ACSM2A: variants seen among roughly 807,000 people sequenced by gnomAD.
ACSM2A encodes acyl-CoA synthetase medium chain family member 2A, also known as acyl-coenzyme A synthetase ACSM2A, mitochondrial.
Under a neutral mutation model 76.6 loss-of-function variants are expected in ACSM2A, and 72 were observed. The observed-to-expected ratio is 0.94, with a 90% CI of 0.78 to 1.14. The LOEUF is 1.14. Ranked by LOEUF, ACSM2A falls within the 50% of genes most tolerant of loss-of-function variation. The pLI is 0.00. For synonymous variants in ACSM2A, 249 were observed against 255.9 expected, an observed-to-expected ratio of 0.97 and a Z score of 0.26; for missense variants, 684 against 708.5, an observed-to-expected ratio of 0.97 and a Z score of 0.39.
chr16:20,457,169 T>TCAA (rs922597386), intron 1 of ACSM2A, among the ~76,000 whole-genome samples: 1 of 151,212 alleles, frequency 6.6e-6, no homozygotes, highest in African/African-American at 2.4e-5. Flanking sequence ...ACAAAAATTA[T>TCAA]CAACAACAAC....
At chr16:20,471,453 C>G (rs2013395125) in intron 5 of ACSM2A, 83 bp from the exon 6 acceptor site, 1 of 1,528,590 alleles carries the variant, frequency 6.5e-7, no homozygotes, top group Non-Finnish European at 8.9e-7. Context: ...ACACACCTCC[C>G]TTTCCTCCCC....
At chr16:20,457,726 G>T (rs2012279090) in intron 1 of ACSM2A, among the ~76,000 whole-genome samples, 1 of 152,024 alleles carries the variant, frequency 6.6e-6, no homozygotes, top group Admixed American at 6.6e-5. Flanking sequence ...ATGGGGAAAA[G>T]TTGAAAGCAT....
intron 13 of ACSM2A, among the ~76,000 whole-genome samples, chr16:20,485,990 A>T (rs1185878077): frequency 6.6e-6 from 1 of 152,180 alleles, no homozygotes; most frequent in Non-Finnish European, 1.5e-5. Context: ...AATTGGAGAG[A>T]TTTTATAGTT....
chr16:20,453,127 C>T (rs1175896915), intron 1 of ACSM2A: 1 of 151,958 alleles, frequency 6.6e-6, no homozygotes, highest in Non-Finnish European at 1.5e-5. Context: ...GAAAAATAGA[C>T]ATAAGCTCTT....
intron 6 of ACSM2A, among the ~76,000 whole-genome samples, chr16:20,472,391 G>A (rs961873599): frequency 1.3e-5 from 2 of 152,046 alleles, no homozygotes; most frequent in Non-Finnish European, 2.9e-5. Context: ...AGACAGTGCT[G>A]GTATATCTTC....
chr16:20,460,596 T>C (rs924149412), intron 2 of ACSM2A, among the ~76,000 whole-genome samples: 14 of 151,570 alleles, frequency 9.2e-5, no homozygotes, highest in African/African-American at 3.2e-4. Context: ...ATGAGGACTT[T>C]TGGTCTGGGG....
chr16:20,458,931 T>TATATAC (rs1373102129), intron 1 of ACSM2A, among the ~76,000 whole-genome samples: 5 of 56,768 alleles, frequency 8.8e-5, no homozygotes, highest in Admixed American at 1.6e-4. Flanking sequence ...TATATATATA[T>TATATAC]ACATATATAT....
At chr16:20,472,799 T>C (rs542378384) in intron 6 of ACSM2A, among the ~76,000 whole-genome samples, 4 of 152,234 alleles carry the variant, frequency 2.6e-5, no homozygotes, top group Non-Finnish European at 5.9e-5. Flanking sequence ...GTCCACGTGT[T>C]GCATGTATCA....
chr16:20,466,797 T>C (rs971560916), intron 3 of ACSM2A, among the ~76,000 whole-genome samples: 2 of 152,102 alleles, frequency 1.3e-5, no homozygotes, highest in African/African-American at 4.8e-5. Flanking sequence ...AGACTTAGGG[T>C]TTACCATAAT....
Position 20,480,901 on chromosome 16 carries a change from C to T in ACSM2A, c.1489C>T (p.Pro497Ser). The T allele has an allele frequency of 6.2e-7, 1 of 1,613,794 alleles. No homozygotes were observed. The highest frequency in any genetic ancestry group is 8.5e-7 in the Non-Finnish European group (1 of 1,179,836). ...GGTTGAGACGGCTGTGATCAGCAGC[C>T]CAGACCCCGTCCGAGGAGAGGTGAT... The part of the protein sequence containing the change: ...AVVETAVISS[P>S]DPVRGEVVKA... Residue 497 changes from proline to serine, a missense_variant, in exon 12 of 14, where the codon CCA becomes TCA. Around this residue, in one of 3 missense-constraint regions of ACSM2A, gnomAD observed 159 missense variants for 132.5 expected, o/e 1.20. Transcript: ENST00000573854.
At chr16:20,472,594 A>C (rs1257414897) in intron 6 of ACSM2A, among the ~76,000 whole-genome samples, 1 of 152,028 alleles carries the variant, frequency 6.6e-6, no homozygotes, top group Non-Finnish European at 1.5e-5. Context: ...AAAGACATGA[A>C]ACATTCCCAC....
At chr16:20,470,399 G>C (rs1207026567) in intron 4 of ACSM2A, among the ~76,000 whole-genome samples, 3 of 152,150 alleles carry the variant, frequency 2.0e-5, no homozygotes, top group African/African-American at 7.2e-5. Flanking sequence ...CCTTCCAAAA[G>C]CCGATAGCAA....
chr16:20,457,958 T>A (rs1403288891), intron 1 of ACSM2A, among the ~76,000 whole-genome samples: 1 of 151,986 alleles, frequency 6.6e-6, no homozygotes, highest in East Asian at 1.9e-4. Context: ...AATAAATGAA[T>A]TCAGCAAAGT....
At chr16:20,452,928 A>G (rs1321332628) in intron 1 of ACSM2A, among the ~76,000 whole-genome samples, 1 of 152,116 alleles carries the variant, frequency 6.6e-6, no homozygotes, top group Non-Finnish European at 1.5e-5. Flanking sequence ...CTTTGACCAT[A>G]TGTGGAGAAC....
rs1596673555 is a variant in ACSM2A, at chr16:20,478,925, A to T, written c.1281+248A>T. ...TCAGTTAGCCCTTAGACTCCTCAAG[A>T]ACTCTCTGTTTCATGCCCAAAATAT... On this transcript the variant is annotated intron_variant, in intron 10 of 13. Coordinates refer to ENST00000573854, the MANE Select transcript of ACSM2A (RefSeq NM_001308172.2). Among the ~76,000 whole-genome samples, 3 of 152,158 alleles carry T rather than the reference A, an allele frequency of 2.0e-5. No individual in the cohort carries two copies. The East Asian group carries it at 5.8e-4, about 29-fold the overall frequency.
chr16:20,468,675 C>T (rs1363652689), intron 3 of ACSM2A, among the ~76,000 whole-genome samples: 1 of 152,098 alleles, frequency 6.6e-6, no homozygotes, highest in Non-Finnish European at 1.5e-5. Flanking sequence ...TCTAGTTATT[C>T]TACAGAATAT....
chr16:20,459,804 T>G (rs1337996500), intron 1 of ACSM2A, among the ~76,000 whole-genome samples: 4 of 152,162 alleles, frequency 2.6e-5, no homozygotes, highest in African/African-American at 9.7e-5. Context: ...AACTATCCCA[T>G]CTATGACCCA....
At position 20,471,141 on chromosome 16, in the gene ACSM2A, G is replaced by A. The variant is rs142969595; in HGVS notation, c.665G>A (p.Ser222Asn). Residue 222 changes from serine (S) to asparagine (N), a missense_variant, in exon 5 of 14, where the codon AGT (serine) becomes AAT (asparagine). Around this residue, in one of 3 missense-constraint regions of ACSM2A, gnomAD observed 519 missense variants for 549.5 expected, o/e 0.94. Coordinates refer to ENST00000573854, the MANE Select transcript of ACSM2A (RefSeq NM_001308172.2). Reference protein sequence around the residue: ...SQEASAIYFTSGTSGLPKMAE... With the variant: ...SQEASAIYFTNGTSGLPKMAE... ...GAAGCATCTGCCATCTACTTCACTA[G>A]TGGGACCAGTGGTCTTCCCAAGATG... 6.2e-7 allele frequency: 1 copy of A among 1,613,346 alleles called. No homozygotes were observed. Among genetic ancestry groups the A allele is most frequent in the South Asian group, 1.1e-5 (1 of 91,058 alleles).
At chr16:20,458,980 T>C (rs2012435115) in intron 1 of ACSM2A, among the ~76,000 whole-genome samples, 1 of 132,748 alleles carries the variant, frequency 7.5e-6, no homozygotes, top group South Asian at 2.4e-4. Context: ...AAAGAATGAC[T>C]TAGTGGCATT....
Sources: gnomAD v4.1 joint callset for allele counts (sites outside exome capture counted in the v4.1 genomes callset) on GRCh38, gnomAD v4.1.1 for gene constraint, gnomAD v4.1.1 regional missense constraint, MANE v1.5 for transcripts, NCBI Gene and HGNC (gene_info 2026-07-23, HGNC 2026-07-21) for gene names.